Variants in ACTN4 observed in about 807,000 individuals in gnomAD.
ACTN4 encodes alpha-actinin-4.
Under a neutral mutation model 114.2 loss-of-function variants are expected in ACTN4, and 18 were observed. That is an observed-to-expected ratio of 0.16 (90% CI 0.11 to 0.23). The LOEUF (loss-of-function observed/expected upper bound fraction) is 0.23, where lower values mean the gene tolerates loss of function less well. Among genes scored for constraint, ACTN4 ranks in the 10% least tolerant of loss-of-function variants. The pLI, the probability that ACTN4 is intolerant of heterozygous loss-of-function variation, is 1.00. For synonymous variants in ACTN4, 515 were observed against 506.3 expected (o/e 1.02, Z -0.23); for missense variants, 722 against 1,262.9 (o/e 0.57, Z 6.49).
rs747348968 is a variant in ACTN4, at chr19:38,723,626, C to T, written c.1455C>T (p.Tyr485=). The T allele has an allele frequency of 1.9e-6, 3 of 1,612,346 alleles. No homozygotes were observed. Among genetic ancestry groups the T allele is most frequent in the South Asian group, 2.2e-5 (2 of 90,774 alleles). The change falls in exon 13 of 21, where the codon TAC becomes TAT. Residue 485 remains tyrosine, a synonymous_variant. Coordinates refer to ENST00000252699, the MANE Select transcript of ACTN4 (RefSeq NM_004924.6). ...AIAQELNELD[Y]YDSHNVNTRC... is the part of the protein sequence containing the mutation. ...GCCCGGCCCGCAGCGAGCTGGATTA[C>T]TACGACTCCCACAATGTCAACACCC...
chr19:38,653,897 C>T (rs1223632981), intron 1 of ACTN4, among the ~76,000 whole-genome samples: 2 of 152,210 alleles, frequency 1.3e-5, no homozygotes, highest in Non-Finnish European at 2.9e-5. Flanking sequence ...GATACAAATA[C>T]TGTCATCCGT....
intron 1 of ACTN4, among the ~76,000 whole-genome samples, chr19:38,674,642 G>C (rs1357685712): frequency 6.6e-6 from 1 of 152,208 alleles, no homozygotes; most frequent in Non-Finnish European, 1.5e-5. Flanking sequence ...AGTTCAGAGA[G>C]GTGACGTGAC....
chr19:38,707,260 C>G (rs1458664274), intron 5 of ACTN4, among the ~76,000 whole-genome samples: 1 of 151,852 alleles, frequency 6.6e-6, no homozygotes, highest in African/African-American at 2.4e-5. Context: ...TAGTAAGTAT[C>G]TAGCATGCCC....
rs559700598 is a variant in ACTN4 at position 38,717,105 on chromosome 19, G to A, written c.932G>A (p.Arg311His). 2.5e-5 allele frequency: 41 copies of A among 1,613,742 alleles called. No homozygotes were observed. The highest frequency in any genetic ancestry group is 5.0e-5 in the Admixed American group (3 of 59,968). The change falls in exon 10 of 21, where the codon CGC (arginine) becomes CAC (histidine). Residue 311 changes from arginine to histidine, a missense_variant. Transcript: ENST00000252699. The surrounding 1 kb of genome is among the most constrained non-coding windows in gnomAD (Gnocchi z 4.0). ...CCACAGCTCCTGGAGTGGATCCGGC[G>A]CACCATCCCCTGGCTGGAGGACCGT... ...LASDLLEWIR[R>H]TIPWLEDRVP...
At chr19:38,719,200 C>CACTCA (rs1968949491) in intron 11 of ACTN4, among the ~76,000 whole-genome samples, 1 of 152,216 alleles carries the variant, frequency 6.6e-6, no homozygotes, top group Admixed American at 6.5e-5. Flanking sequence ...CAGAAAGCTG[C>CACTCA]CAGTGCCTGG....
rs746349544 is a variant in ACTN4, at chr19:38,708,091, T to C, written c.573-26T>C. On this transcript the variant is annotated intron_variant, in intron 5 of 20. Transcript: ENST00000252699. The stretch of plus-strand genomic sequence containing the variant: ...TCTCATGACAGTGAGCGGGCCCTCC[T>C]ATAACCTTTGCCTTTCCTTCCCCAG... The C allele has an allele frequency of 3.1e-6, 5 of 1,613,520 alleles. No homozygotes were observed. In the South Asian group the frequency reaches 5.5e-5, roughly 18 times the overall value.
intron 1 of ACTN4, among the ~76,000 whole-genome samples, chr19:38,659,065 C>CTTTCTTTTTTTTT: frequency 9.0e-6 from 1 of 111,692 alleles, no homozygotes; most frequent in South Asian, 3.0e-4. Flanking sequence ...CTTTTCTTTT[C>CTTTCTTTTTTTTT]TTTTTTTTTT....
At chr19:38,648,151 A>C (rs1197452568) in intron 1 of ACTN4, 13 of 406,590 alleles carry the variant, frequency 3.2e-5, no homozygotes, top group Non-Finnish European at 4.8e-5. Context: ...AATAAAAGGA[A>C]TCGGGAAGGC....
In ACTN4 at chr19:38,730,615, A is replaced by T; in HGVS notation, c.*1183A>T. 1.7e-6 allele frequency: 1 copy of T among 603,500 alleles called. No homozygotes were observed. The highest frequency in any genetic ancestry group is 3.0e-6 in the Non-Finnish European group (1 of 338,054). 37.4% of individuals were successfully genotyped at this position (603,500 alleles called of 1,614,324 possible). On this transcript the variant is annotated 3_prime_UTR_variant, in exon 21 of 21. Coordinates refer to ENST00000252699, the MANE Select transcript of ACTN4 (RefSeq NM_004924.6). ...GCCAGGGCAGAGCTAGCACTGTCTT[A>T]AGCTGTCAACGTGGACTAGCTCGTG...
At chr19:38,652,130 T>C (rs1185816185) in intron 1 of ACTN4, among the ~76,000 whole-genome samples, 1 of 152,184 alleles carries the variant, frequency 6.6e-6, no homozygotes, top group Admixed American at 6.5e-5. Context: ...CTCTAATTGC[T>C]TGCCTCTTAG....
rs941747720 is a variant in ACTN4, at chr19:38,724,315, AATC to A, written c.1856_1858del (p.Ile619del). Reference sequence around the variant, plus strand: ...ACCCCTACACCACCGTCACCCCGCAAATCATCAACTCCAAGTGGGAGAAGGTGG... The same window carrying A: ...ACCCCTACACCACCGTCACCCCGCAAATCAACTCCAAGTGGGAGAAGGTGG... On this transcript the variant is annotated inframe_deletion, in exon 15 of 21. Coordinates refer to ENST00000252699, the MANE Select transcript of ACTN4 (RefSeq NM_004924.6). This position sits in a 1 kb window ranked among gnomAD's most constrained non-coding sequence, Gnocchi z 7.0. 1 of 1,613,788 alleles carries A rather than the reference AATC, an allele frequency of 6.2e-7. No individual in the cohort carries two copies. Among genetic ancestry groups the A allele is most frequent in the Non-Finnish European group, 8.5e-7 (1 of 1,180,006 alleles).
intron 19 of ACTN4, 197 bp downstream of exon 19, chr19:38,728,223 C>T (rs1969313588): frequency 7.0e-7 from 1 of 1,422,170 alleles, no homozygotes; most frequent in Non-Finnish European, 9.7e-7. Context: ...CTGCTCCCCG[C>T]CACTGTCCTG....
chr19:38,730,880 T>C lies in ACTN4; in HGVS notation c.*1448T>C. ...GGAGAAGGTGGCCACCTCCATCCAC[T>C]AAGGAAGAGAAGGAAGACAGTGGCT... On this transcript the variant is annotated 3_prime_UTR_variant, in exon 21 of 21. Transcript: ENST00000252699. The C allele has an allele frequency of 6.4e-7, 1 of 1,551,606 alleles. No individual in the cohort carries two copies. The highest frequency in any genetic ancestry group is 8.7e-7 in the Non-Finnish European group (1 of 1,147,448).
Position 38,731,493 on chromosome 19 carries a change from G to C in ACTN4, c.*2061G>C. 3.8e-6 allele frequency: 2 copies of C among 520,242 alleles called. No individual in the cohort carries two copies. Among genetic ancestry groups the C allele is most frequent in the South Asian group, 4.3e-5 (2 of 46,424 alleles). The allele number at this position is 520,242 out of a possible 1,614,324, so 32.2% of individuals were successfully genotyped here. On this transcript the variant is annotated 3_prime_UTR_variant, in exon 21 of 21. Coordinates refer to ENST00000252699, the MANE Select transcript of ACTN4 (RefSeq NM_004924.6). The stretch of plus-strand genomic sequence containing the variant: ...GTCTGACACGTGACTCGATGTGTGG[G>C]TACTGTTACTCCTTAAATCCTGTGG...
chr19:38,718,284 T>A lies in ACTN4; in HGVS notation c.1291+210T>A, dbSNP rs751871764. 1.7e-5 allele frequency: 15 copies of A among 884,224 alleles called. No homozygotes were observed. The South Asian group carries it at 2.1e-4, about 13-fold the overall frequency. The allele number at this position is 884,224 out of a possible 1,614,324, so 54.8% of individuals were successfully genotyped here. A position where few individuals can be genotyped will look rare whatever the true frequency, so the allele number is the denominator to read the frequency against. On this transcript the variant is annotated intron_variant, in intron 11 of 20. Transcript: ENST00000252699. ...GCTCACACCTGTAATCCCAGCACTT[T>A]GGCAGGCCAAGGCAGGAGGATCACT...
chr19:38,729,800 G>T lies in ACTN4; in HGVS notation c.*368G>T. 1 of 444,994 alleles carries T rather than the reference G, an allele frequency of 2.2e-6. No individual in the cohort carries two copies. Among genetic ancestry groups the T allele is most frequent in the Non-Finnish European group, 4.4e-6 (1 of 227,026 alleles). The allele number at this position is 444,994 out of a possible 1,614,324, so 27.6% of individuals were successfully genotyped here. A position where few individuals can be genotyped will look rare whatever the true frequency, so the allele number is the denominator to read the frequency against. ...TCCTTTGCTCTGAGGTCCCTTCAAG[G>T]CCTCCCCAATCCAGGCCAAAGCCCC... On this transcript the variant is annotated 3_prime_UTR_variant, in exon 21 of 21. Coordinates refer to ENST00000252699, the MANE Select transcript of ACTN4 (RefSeq NM_004924.6).
intron 1 of ACTN4, among the ~76,000 whole-genome samples, chr19:38,672,238 C>CTTTTTT (rs35567918): frequency 3.5e-5 from 4 of 113,742 alleles, no homozygotes; most frequent in South Asian, 2.9e-4. Flanking sequence ...ACATGTGGTT[C>CTTTTTT]TTTTTTTTTT....
At chr19:38,707,060 C>G (rs767385269) in intron 5 of ACTN4, among the ~76,000 whole-genome samples, 45 of 152,216 alleles carry the variant, frequency 3.0e-4, no homozygotes, top group Non-Finnish European at 4.8e-4. Flanking sequence ...GAATGAAGAG[C>G]AGGGCCTCAT....
intron 1 of ACTN4, among the ~76,000 whole-genome samples, chr19:38,681,129 G>GAAAAAAAAAAAA (rs35906770): frequency 1.4e-5 from 1 of 69,274 alleles, no homozygotes; most frequent in Non-Finnish European, 2.5e-5. Context: ...CCAATCTCTA[G>GAAAAAAAAAAAA]AAAAAAAAAA....
Sources: gnomAD v4.1 joint callset for allele counts (sites outside exome capture counted in the v4.1 genomes callset) on GRCh38, gnomAD v4.1.1 for gene constraint, Gnocchi (gnomAD v3.1) non-coding constraint, MANE v1.5 for transcripts, NCBI Gene and HGNC (gene_info 2026-07-23, HGNC 2026-07-21) for gene names.